DYM: variants seen among roughly 807,000 people sequenced by gnomAD.
DYM encodes dyggve-Melchior-Clausen syndrome protein.
DYM carries 78 observed loss-of-function variants against 93.1 expected under a neutral mutation model. The ratio of observed to expected loss-of-function variants is 0.84; its 90% confidence interval spans 0.70 to 1.01. DYM has a LOEUF of 1.01. DYM is among the 50% of genes least tolerant of loss of function. DYM has a pLI of 0.00. For missense variants in DYM, 789 were observed against 845.0 expected (o/e 0.93, Z 0.82); for synonymous variants, 321 against 319.7 (o/e 1.00, Z -0.04).
chr18:49,061,213 G>A (rs921660860), intron 17 of DYM, among the ~76,000 whole-genome samples: 1 of 152,060 alleles, frequency 6.6e-6, no homozygotes, highest in South Asian at 2.1e-4. Flanking sequence ...TAATCTGTGG[G>A]GATCCAGGGA....
intron 8 of DYM, among the ~76,000 whole-genome samples, chr18:49,329,012 T>A (rs1004326699): frequency 6.6e-6 from 1 of 151,976 alleles, no homozygotes; most frequent in Non-Finnish European, 1.5e-5. Context: ...CTATTCACAA[T>A]AGCAAAGACT....
In DYM at chr18:49,357,591, T is replaced by C. The variant is rs554654096; in HGVS notation, c.494+5570A>G. Among the ~76,000 whole-genome samples the C allele has an allele frequency of 3.3e-5, 5 of 152,338 alleles. No homozygotes were observed. The South Asian group carries it at 1.0e-3, about 32-fold the overall frequency. ...AGTGGAATATGCCTTAGCACAATACTGTTTCCATATAGACTAGATGCTGAG... is the reference window on the plus strand; with the variant it reads ...AGTGGAATATGCCTTAGCACAATACCGTTTCCATATAGACTAGATGCTGAG... On this transcript the variant is annotated intron_variant, in intron 6 of 17. Coordinates refer to ENST00000675505, the MANE Select transcript of DYM (RefSeq NM_001353214.3).
At chr18:49,078,422 C>G (rs780653262) in intron 17 of DYM, among the ~76,000 whole-genome samples, 5 of 151,856 alleles carry the variant, frequency 3.3e-5, no homozygotes, top group Non-Finnish European at 7.4e-5. Flanking sequence ...TTCATGTAAA[C>G]TATACAACTG....
intron 6 of DYM, among the ~76,000 whole-genome samples, chr18:49,348,010 A>C (rs2064751262): frequency 6.6e-6 from 1 of 152,192 alleles, no homozygotes; most frequent in Non-Finnish European, 1.5e-5. Context: ...TGCTGGAGCA[A>C]GTTATTAATT....
At chr18:49,171,497 G>A (rs1015932900) in intron 14 of DYM, among the ~76,000 whole-genome samples, 2 of 151,920 alleles carry the variant, frequency 1.3e-5, no homozygotes, top group African/African-American at 4.8e-5. Context: ...TGCTTGACCC[G>A]TGATCAAATT....
intron 17 of DYM, among the ~76,000 whole-genome samples, chr18:49,089,679 T>C (rs1402088867): frequency 1.3e-5 from 2 of 152,218 alleles, no homozygotes; most frequent in Admixed American, 6.5e-5. Flanking sequence ...GTCTACTAGG[T>C]TAGAATCTCA....
chr18:49,211,827 GTTAAAAATCTT>G (rs1213113393), intron 13 of DYM, among the ~76,000 whole-genome samples: 1 of 152,176 alleles, frequency 6.6e-6, no homozygotes, highest in Non-Finnish European at 1.5e-5. Flanking sequence ...AAACAGAGTA[GTTAAAAATCTT>G]TTAAAGTAGG....
At chr18:49,252,319 C>T (rs996437753) in intron 13 of DYM, among the ~76,000 whole-genome samples, 1 of 149,376 alleles carries the variant, frequency 6.7e-6, no homozygotes, top group Non-Finnish European at 1.5e-5. Context: ...GGGGAGGCCT[C>T]GGGAAACTTA....
intron 5 of DYM, among the ~76,000 whole-genome samples, chr18:49,374,229 C>A (rs2067285301): frequency 6.6e-6 from 1 of 152,076 alleles, no homozygotes; most frequent in Admixed American, 6.5e-5. Context: ...ATTCAAAATA[C>A]CAAAATTCTG....
intron 15 of DYM, among the ~76,000 whole-genome samples, chr18:49,146,777 A>G (rs1258049120): frequency 6.6e-6 from 1 of 152,224 alleles, no homozygotes; most frequent in African/African-American, 2.4e-5. Flanking sequence ...TGCCCAAGGT[A>G]ATTTATAGAT....
At chr18:49,146,783 T>C (rs78909284) in intron 15 of DYM, among the ~76,000 whole-genome samples, 4 of 151,936 alleles carry the variant, frequency 2.6e-5, no homozygotes, top group East Asian at 3.9e-4. Flanking sequence ...AGGTAATTTA[T>C]AGATTCAATG....
At chr18:49,305,574 T>G (rs2061226549) in intron 8 of DYM, among the ~76,000 whole-genome samples, 1 of 152,202 alleles carries the variant, frequency 6.6e-6, no homozygotes, top group Non-Finnish European at 1.5e-5. Flanking sequence ...TGCCTTCAGA[T>G]GAAATATACT....
At chr18:49,139,233 G>C (rs542050996) in intron 15 of DYM, among the ~76,000 whole-genome samples, 1 of 152,234 alleles carries the variant, frequency 6.6e-6, no homozygotes, top group Admixed American at 6.5e-5. Flanking sequence ...AACAGAAAAA[G>C]AGCAGCCCTC....
chr18:49,424,859 G>A (rs545722936), intron 2 of DYM, among the ~76,000 whole-genome samples: 3 of 152,166 alleles, frequency 2.0e-5, no homozygotes, highest in South Asian at 4.2e-4. Flanking sequence ...CCTCTTCAAG[G>A]AGAATTACAA....
chr18:49,059,769 G>A (rs1252580014), intron 17 of DYM, among the ~76,000 whole-genome samples: 1 of 151,970 alleles, frequency 6.6e-6, no homozygotes, highest in Non-Finnish European at 1.5e-5. Flanking sequence ...CACCAAAGTG[G>A]GGAAAATAAT....
rs151322589 is a variant in DYM, at chr18:49,286,497, T to C, written c.883A>G (p.Thr295Ala). 2.5e-5 allele frequency: 41 copies of C among 1,614,018 alleles called. No individual in the cohort carries two copies. The highest frequency in any genetic ancestry group is 3.3e-5 in the Non-Finnish European group (39 of 1,179,994). ...LLLLLVLANL[T>A]DASDAPNPYR... ...GGGTTTGGCGCATCTGAGGCATCTG[T>C]CAGATTGGCCAACACCAGCAGAAGC... The change falls in exon 9 of 18, where the codon ACA becomes GCA. Residue 295 changes from threonine to alanine, a missense_variant. By Grantham distance (58) the Thr-to-Ala change is moderately conservative. This residue lies in a region of DYM where 450 missense variants were observed against 436.2 expected (regional missense o/e 1.03). Transcript: ENST00000675505.
intron 10 of DYM, among the ~76,000 whole-genome samples, chr18:49,279,208 G>C (rs1282387057): frequency 6.6e-6 from 1 of 152,150 alleles, no homozygotes; most frequent in Non-Finnish European, 1.5e-5. Flanking sequence ...TAGTGAGTCA[G>C]ACCATCAATA....
chr18:49,204,284 A>AT (rs2092352800), intron 14 of DYM, among the ~76,000 whole-genome samples: 1 of 152,212 alleles, frequency 6.6e-6, no homozygotes, highest in South Asian at 2.1e-4. Context: ...ATTTTTAAAC[A>AT]TTTCTGATGC....
At chr18:49,429,979 A>G (rs1383180218) in intron 2 of DYM, among the ~76,000 whole-genome samples, 1 of 152,236 alleles carries the variant, frequency 6.6e-6, no homozygotes, top group Non-Finnish European at 1.5e-5. Flanking sequence ...GTGAAACTAT[A>G]TGGGATATAT....
Sources: allele counts gnomAD v4.1 joint callset (sites outside exome capture counted in the v4.1 genomes callset), GRCh38; gene constraint gnomAD v4.1.1; regional missense constraint gnomAD v4.1.1; transcripts MANE v1.5; gene names NCBI Gene and HGNC (gene_info 2026-07-23, HGNC 2026-07-21).